NFIB: variants seen among roughly 807,000 people sequenced by gnomAD.
The protein encoded by NFIB is nuclear factor I B.
Under a neutral mutation model 61.5 loss-of-function variants are expected in NFIB, and 11 were observed. That is an observed-to-expected ratio of 0.18 (90% CI 0.11 to 0.30). The LOEUF (loss-of-function observed/expected upper bound fraction) is 0.30, where lower values mean the gene tolerates loss of function less well. Ranked by LOEUF, NFIB falls within the 10% of genes least tolerant of loss-of-function variation. NFIB has a pLI of 1.00. For missense variants in NFIB, 471 were observed against 608.9 expected (o/e 0.77, Z 2.38); for synonymous variants, 260 against 216.5 (o/e 1.20, Z -1.76).
intron 8 of NFIB, among the ~76,000 whole-genome samples, chr9:14,118,027 T>C (rs190596503): frequency 2.0e-5 from 3 of 152,180 alleles, no homozygotes; most frequent in Admixed American, 2.0e-4. Context: ...ATACCAAGAA[T>C]TCTAATTTGA....
chr9:14,189,311 G>T (rs1336334027), intron 2 of NFIB, among the ~76,000 whole-genome samples: 5 of 152,122 alleles, frequency 3.3e-5, no homozygotes, highest in Non-Finnish European at 5.9e-5. Flanking sequence ...TCTCCAAACT[G>T]CCTGGAGAGT....
At chr9:14,416,736 C>A in the NFIB span, among the ~76,000 whole-genome samples, 1 of 151,798 alleles carries the variant, frequency 6.6e-6, no homozygotes, top group Non-Finnish European at 1.5e-5. Flanking sequence ...TGTAGTGTGG[C>A]CCAAGTGCAC....
rs1335618260 is a variant in NFIB at position 14,138,000 on chromosome 9, CAT to C, written c.925+8687_925+8688del. Reference sequence around the variant, plus strand: ...TATAATTAGTTTGCAAAATCATAAACATAATATCTCAATGACTTATTTGGGAT... The same window carrying C: ...TATAATTAGTTTGCAAAATCATAAACAATATCTCAATGACTTATTTGGGAT... On this transcript the variant is annotated intron_variant, in intron 6 of 10. Transcript: ENST00000380953. Among the ~76,000 whole-genome samples, 4 of 152,148 alleles carry C rather than the reference CAT, an allele frequency of 2.6e-5. No individual in the cohort carries two copies. The South Asian group carries it at 8.3e-4, about 32-fold the overall frequency.
At chr9:14,524,853 A>T in the NFIB span, among the ~76,000 whole-genome samples, 1 of 152,210 alleles carries the variant, frequency 6.6e-6, no homozygotes, top group Non-Finnish European at 1.5e-5. Flanking sequence ...CCCATGTTTA[A>T]TATCACCAGA....
chr9:14,415,881 A>G, the NFIB span, among the ~76,000 whole-genome samples: 65 of 152,224 alleles, frequency 4.3e-4, 1 homozygote, highest in South Asian at 0.014. Context: ...GAAGCCTTAC[A>G]GATGGAAATT....
At chr9:14,423,878 T>A in the NFIB span, among the ~76,000 whole-genome samples, 1 of 152,170 alleles carries the variant, frequency 6.6e-6, no homozygotes. Context: ...AGTCATGAGA[T>A]CTTTATTTTG....
At chr9:14,105,698 A>G (rs767326861) in intron 10 of NFIB, among the ~76,000 whole-genome samples, 29 of 152,278 alleles carry the variant, frequency 1.9e-4, no homozygotes, top group Non-Finnish European at 3.8e-4. Flanking sequence ...AAGAAAATCA[A>G]TTTCTAATCT....
chr9:14,254,389 C>A (rs1406375473), intron 2 of NFIB, among the ~76,000 whole-genome samples: 1 of 152,200 alleles, frequency 6.6e-6, no homozygotes, highest in African/African-American at 2.4e-5. Flanking sequence ...AGCTCCTCCA[C>A]TGCATCTCAG....
At chr9:14,467,793 G>A in the NFIB span, among the ~76,000 whole-genome samples, 5 of 152,232 alleles carry the variant, frequency 3.3e-5, no homozygotes, top group East Asian at 5.8e-4. Flanking sequence ...CTTGCAGGAG[G>A]CCAAACATCT....
At chr9:14,162,268 G>A (rs191568311) in intron 3 of NFIB, among the ~76,000 whole-genome samples, 18 of 151,680 alleles carry the variant, frequency 1.2e-4, no homozygotes, top group African/African-American at 3.9e-4. Context: ...CTCATTATCT[G>A]AAAAAGTACT....
Position 14,175,641 on chromosome 9 carries a change from G to C in NFIB, c.616+4086C>G, listed in dbSNP as rs534626270. On this transcript the variant is annotated intron_variant, in intron 3 of 10. Coordinates refer to ENST00000380953, the MANE Select transcript of NFIB (RefSeq NM_001190737.2). ...ATATATAATCCTACTGGTTCCCAGA[G>C]GTGTTGCCACACTACATGCATAAGT... Among the ~76,000 whole-genome samples the C allele has an allele frequency of 8.5e-5, 13 of 152,234 alleles. No individual in the cohort carries two copies. In the South Asian group the frequency reaches 2.5e-3, roughly 29 times the overall value.
At chr9:14,505,481 C>T in the NFIB span, among the ~76,000 whole-genome samples, 2 of 152,144 alleles carry the variant, frequency 1.3e-5, no homozygotes, top group African/African-American at 4.8e-5. Context: ...GCAGTCAGAG[C>T]CTTGAACTTG....
intron 10 of NFIB, among the ~76,000 whole-genome samples, chr9:14,110,445 A>G (rs1458471597): frequency 1.3e-5 from 2 of 152,104 alleles, no homozygotes; most frequent in Non-Finnish European, 2.9e-5. Context: ...AGACTAAAGC[A>G]CTGCCTTTCT....
the NFIB span, among the ~76,000 whole-genome samples, chr9:14,499,282 GAAGA>G: frequency 6.6e-6 from 1 of 152,176 alleles, no homozygotes. Context: ...GCTTGGGAAT[GAAGA>G]CCGGGATGGT....
At chr9:14,263,391 C>T (rs2056950703) in intron 2 of NFIB, among the ~76,000 whole-genome samples, 1 of 152,104 alleles carries the variant, frequency 6.6e-6, no homozygotes, top group South Asian at 2.1e-4. Flanking sequence ...TTTCAACATT[C>T]CCCTTCATTA....
chr9:14,380,322 T>G (rs2061473263), intron 1 of NFIB, among the ~76,000 whole-genome samples: 1 of 152,172 alleles, frequency 6.6e-6, no homozygotes, highest in Admixed American at 6.5e-5. Context: ...AAAGGGGAAT[T>G]CAGAGCTGAG....
chr9:14,248,578 C>T (rs1028125688), intron 2 of NFIB, among the ~76,000 whole-genome samples: 1 of 152,118 alleles, frequency 6.6e-6, no homozygotes, highest in Non-Finnish European at 1.5e-5. Context: ...GCCTCTATTA[C>T]TTTTTGTTAG....
chr9:14,240,349 C>A (rs982836445), intron 2 of NFIB, among the ~76,000 whole-genome samples: 1 of 152,070 alleles, frequency 6.6e-6, no homozygotes, highest in African/African-American at 2.4e-5. Flanking sequence ...CCTACCTAGT[C>A]CCCTATTCAG....
chr9:14,181,681 A>C (rs533286537), intron 2 of NFIB, among the ~76,000 whole-genome samples: 2 of 152,214 alleles, frequency 1.3e-5, no homozygotes, highest in Non-Finnish European at 2.9e-5. Context: ...ATTACATTCC[A>C]GTTTAATTTC....
Sources: allele counts gnomAD v4.1 joint callset (sites outside exome capture counted in the v4.1 genomes callset), GRCh38; gene constraint gnomAD v4.1.1; transcripts MANE v1.5; gene names NCBI Gene and HGNC (gene_info 2026-07-23, HGNC 2026-07-21).